Variants in CSMD1 observed in about 807,000 individuals in gnomAD.
The protein encoded by CSMD1 is CUB and Sushi multiple domains 1, also known as CUB and sushi domain-containing protein 1.
CSMD1 carries 213 observed loss-of-function variants against 417.5 expected under a neutral mutation model. That is an observed-to-expected ratio of 0.51 (90% CI 0.46 to 0.57). The LOEUF is 0.57. Ranked by LOEUF, CSMD1 falls within the 20% of genes least tolerant of loss-of-function variation. The pLI is 0.00. For synonymous variants in CSMD1, 2,862 were observed against 1,736.8 expected (o/e 1.65, Z -16.11); for missense variants, 6,923 against 4,529.7 (o/e 1.53, Z -15.17).
rs1159994023 is a variant in CSMD1, at chr8:3,275,021, C to T, written c.4153+9123G>A. Among the ~76,000 whole-genome samples the T allele has an allele frequency of 2.2e-5, 3 of 138,628 alleles. No individual in the cohort carries two copies. In the Admixed American group the frequency reaches 2.2e-4, roughly 10 times the overall value. The allele number at this position is 138,628 out of a possible 152,430, so 90.9% of individuals were successfully genotyped here. ...GTTAGTTGATGCAGTTTCTTCCTAG[C>T]CTTGATGGTCTTTACAATTTGGCAT... On this transcript the variant is annotated intron_variant, in intron 26 of 69. Transcript: ENST00000635120.
intron 2 of CSMD1, among the ~76,000 whole-genome samples, chr8:4,485,315 C>T (rs1801319908): frequency 6.6e-6 from 1 of 152,166 alleles, no homozygotes; most frequent in Non-Finnish European, 1.5e-5. Flanking sequence ...GAAATTTTTA[C>T]CAACCAAACT....
At chr8:3,226,865 T>C (rs1438193852) in intron 27 of CSMD1, among the ~76,000 whole-genome samples, 1 of 151,032 alleles carries the variant, frequency 6.6e-6, no homozygotes, top group Non-Finnish European at 1.5e-5. Flanking sequence ...TATACTCTAA[T>C]AATAAAAAGT....
At chr8:3,267,609 C>G (rs964536859) in intron 26 of CSMD1, among the ~76,000 whole-genome samples, 3 of 152,102 alleles carry the variant, frequency 2.0e-5, no homozygotes, top group African/African-American at 7.2e-5. Flanking sequence ...GGCATCGCTG[C>G]TGATAGGAAA....
intron 3 of CSMD1, among the ~76,000 whole-genome samples, chr8:4,248,778 G>C (rs1291038108): frequency 6.6e-6 from 1 of 152,076 alleles, no homozygotes; most frequent in East Asian, 1.9e-4. Context: ...TTTACTGTCA[G>C]TTTTCCTCCT....
At chr8:4,378,007 A>G (rs1452358828) in intron 3 of CSMD1, among the ~76,000 whole-genome samples, 2 of 152,170 alleles carry the variant, frequency 1.3e-5, no homozygotes, top group African/African-American at 4.8e-5. Flanking sequence ...TATATTTGTA[A>G]TTCCTTTATT....
intron 1 of CSMD1, among the ~76,000 whole-genome samples, chr8:4,776,342 C>T (rs989122318): frequency 6.6e-6 from 1 of 152,078 alleles, no homozygotes; most frequent in Non-Finnish European, 1.5e-5. Flanking sequence ...AATATTGCTA[C>T]TAAGTTTTGA....
chr8:4,036,953 T>C (rs1368923501), intron 3 of CSMD1, among the ~76,000 whole-genome samples: 2 of 118,648 alleles, frequency 1.7e-5, no homozygotes, highest in African/African-American at 3.4e-5. Flanking sequence ...TGGGTGAGTG[T>C]GGGGTGTGTG....
intron 3 of CSMD1, among the ~76,000 whole-genome samples, chr8:4,120,653 A>C (rs1449586582): frequency 1.3e-5 from 2 of 152,228 alleles, no homozygotes; most frequent in Non-Finnish European, 2.9e-5. Flanking sequence ...CTAGTCAGTA[A>C]CTTCATCACG....
intron 18 of CSMD1, among the ~76,000 whole-genome samples, chr8:3,380,906 T>G (rs1188678009): frequency 6.6e-6 from 1 of 151,950 alleles, no homozygotes; most frequent in Non-Finnish European, 1.5e-5. Context: ...AAAAAAAAGT[T>G]TTGGTTAGAT....
chr8:4,543,457 C>G (rs1418931005), intron 2 of CSMD1, among the ~76,000 whole-genome samples: 1 of 152,044 alleles, frequency 6.6e-6, no homozygotes, highest in African/African-American at 2.4e-5. Context: ...CCTCCATGCC[C>G]TTGCATGAAT....
intron 2 of CSMD1, among the ~76,000 whole-genome samples, chr8:4,634,859 C>T (rs985582670): frequency 2.6e-5 from 4 of 152,148 alleles, no homozygotes; most frequent in African/African-American, 7.2e-5. Flanking sequence ...ATTTATTTCA[C>T]CTTTTGTAAT....
intron 26 of CSMD1, among the ~76,000 whole-genome samples, chr8:3,269,969 C>G (rs575589412): frequency 1.3e-5 from 2 of 151,934 alleles, no homozygotes; most frequent in Admixed American, 6.6e-5. Flanking sequence ...AGGTCACAAC[C>G]CTACTCCATT....
intron 26 of CSMD1, among the ~76,000 whole-genome samples, chr8:3,278,033 A>G (rs529871922): frequency 2.0e-5 from 3 of 152,320 alleles, no homozygotes; most frequent in Admixed American, 1.3e-4. Context: ...GATAGAGAAG[A>G]AAGGGAGACC....
intron 1 of CSMD1, among the ~76,000 whole-genome samples, chr8:4,971,985 A>T (rs1040236567): frequency 6.6e-6 from 1 of 152,130 alleles, no homozygotes; most frequent in East Asian, 1.9e-4. Flanking sequence ...TTAGTGATCA[A>T]CATTTATCTT....
chr8:4,233,827 G>C (rs890870232), intron 3 of CSMD1, among the ~76,000 whole-genome samples: 1 of 152,110 alleles, frequency 6.6e-6, no homozygotes, highest in Non-Finnish European at 1.5e-5. Flanking sequence ...ATTTGAGTTG[G>C]TTAATTATTA....
At chr8:3,231,646 G>T (rs1396487029) in intron 26 of CSMD1, among the ~76,000 whole-genome samples, 2 of 152,102 alleles carry the variant, frequency 1.3e-5, no homozygotes, top group African/African-American at 2.4e-5. Flanking sequence ...GGGTGGCAAT[G>T]AACAAATAAT....
intron 19 of CSMD1, among the ~76,000 whole-genome samples, chr8:3,368,432 G>A (rs113423554): frequency 6.6e-6 from 1 of 152,194 alleles, no homozygotes; most frequent in African/African-American, 2.4e-5. Flanking sequence ...CGCCTCCTGG[G>A]TTCAAGCCAT....
At chr8:3,284,096 A>T (rs764183467) in intron 26 of CSMD1, 48 bp downstream of exon 26, 19 of 1,386,852 alleles carry the variant, frequency 1.4e-5, no homozygotes, top group Non-Finnish European at 1.0e-5. Flanking sequence ...TGTGTTCATG[A>T]CAAGACTTTG....
At chr8:4,756,092 T>G (rs1010267970) in intron 1 of CSMD1, among the ~76,000 whole-genome samples, 8 of 152,232 alleles carry the variant, frequency 5.3e-5, no homozygotes, top group African/African-American at 1.9e-4. Flanking sequence ...TCTATGTATG[T>G]TCCAAAAAAT....
Sources: allele counts gnomAD v4.1 joint callset (sites outside exome capture counted in the v4.1 genomes callset), GRCh38; gene constraint gnomAD v4.1.1; transcripts MANE v1.5; gene names NCBI Gene and HGNC (gene_info 2026-07-23, HGNC 2026-07-21).